KCNT2: variants seen among roughly 807,000 people sequenced by gnomAD.
KCNT2 encodes potassium channel subfamily T member 2.
A neutral mutation model predicts 153.8 loss-of-function variants in KCNT2; 67 were observed. That is an observed-to-expected ratio of 0.44 (90% CI 0.36 to 0.53). KCNT2 has a LOEUF of 0.53. Ranked by LOEUF, KCNT2 falls within the 20% of genes least tolerant of loss-of-function variation. The pLI is 0.00. For synonymous variants in KCNT2, 500 were observed against 458.8 expected, an observed-to-expected ratio of 1.09 and a Z score of -1.15; for missense variants, 975 against 1,354.8, an observed-to-expected ratio of 0.72 and a Z score of 4.40.
intron 25 of KCNT2, among the ~76,000 whole-genome samples, chr1:196,270,422 T>G (rs189563100): frequency 3.9e-5 from 6 of 152,226 alleles, no homozygotes; most frequent in African/African-American, 1.2e-4. Flanking sequence ...ACACAAAAAA[T>G]TAAGTATGTA....
rs190261494 is a variant in KCNT2 at position 196,333,698 on chromosome 1, G to A, written c.1997+149C>T. 6.0e-4 allele frequency: 366 copies of A among 606,336 alleles called. No individual in the cohort carries two copies. In the Middle Eastern group the frequency reaches 6.2e-3, roughly 10 times the overall value. The allele number at this position is 606,336 out of a possible 1,614,324, so 37.6% of individuals were successfully genotyped here. A position where few individuals can be genotyped will look rare whatever the true frequency, so the allele number is the denominator to read the frequency against. ...AAGAGATACTGGCTACTAGCAGTGCGTTTTGGTAGAAGTATATAGGAATGA... is the reference window on the plus strand; with the variant it reads ...AAGAGATACTGGCTACTAGCAGTGCATTTTGGTAGAAGTATATAGGAATGA... On this transcript the variant is annotated intron_variant, in intron 17 of 27. Coordinates refer to ENST00000294725, the MANE Select transcript of KCNT2 (RefSeq NM_198503.5).
rs1294259884 is a variant in KCNT2, at chr1:196,351,605, C to T, written c.1404-9377G>A. 2.6e-5 allele frequency among the ~76,000 whole-genome samples: 4 copies of T among 152,044 alleles called. No homozygotes were observed. In the East Asian group the frequency reaches 7.7e-4, roughly 29 times the overall value. Reference sequence around the variant, plus strand: ...CTTATCAGCTTAAGGAGATTTTGGGCTGAGACAATGGGGTTTTCTAGATAT... The same window carrying T: ...CTTATCAGCTTAAGGAGATTTTGGGTTGAGACAATGGGGTTTTCTAGATAT... On this transcript the variant is annotated intron_variant, in intron 14 of 27. Transcript: ENST00000294725.
At chr1:196,593,813 G>A (rs772313943) in intron 1 of KCNT2, among the ~76,000 whole-genome samples, 15 of 151,908 alleles carry the variant, frequency 9.9e-5, no homozygotes, top group Admixed American at 1.3e-4. Context: ...CCTTCTATTC[G>A]AATACTTAGA....
At chr1:196,430,555 T>C (rs116110830) in intron 8 of KCNT2, among the ~76,000 whole-genome samples, 1,735 of 152,120 alleles carry the variant, frequency 0.011, 13 homozygotes, top group Non-Finnish European at 0.018. Context: ...CCAAACGCAA[T>C]ATAAGCCGAT....
chr1:196,315,855 A>G (rs377049769), intron 21 of KCNT2, 37 bp downstream of exon 21: 31 of 1,566,746 alleles, frequency 2.0e-5, no homozygotes, highest in Non-Finnish European at 2.6e-5. Flanking sequence ...TGTTTAGCAC[A>G]AAGTAAGTGG....
In KCNT2 at chr1:196,277,421, G is replaced by C. The variant is rs374325865; in HGVS notation, c.2910+3439C>G. 9.9e-5 allele frequency among the ~76,000 whole-genome samples: 15 copies of C among 152,202 alleles called. 1 individual carries two copies. In the South Asian group the frequency reaches 2.9e-3, roughly 29 times the overall value. On this transcript the variant is annotated intron_variant, in intron 25 of 27. Transcript: ENST00000294725. ...CTTTCAATCTGCTGAAGTGTAAAGC[G>C]TACAGAATGTATCTTTTAACTTAGC...
chr1:196,280,053 G>A (rs1338738414), intron 25 of KCNT2, among the ~76,000 whole-genome samples: 3 of 151,726 alleles, frequency 2.0e-5, no homozygotes, highest in African/African-American at 7.3e-5. Flanking sequence ...TAATAACTTT[G>A]AAGTGTCTGA....
chr1:196,510,311 A>C (rs879650298), intron 1 of KCNT2, among the ~76,000 whole-genome samples: 1 of 152,162 alleles, frequency 6.6e-6, no homozygotes, highest in African/African-American at 2.4e-5. Context: ...GCACATAGCC[A>C]TAATCCCCAC....
intron 13 of KCNT2, among the ~76,000 whole-genome samples, chr1:196,390,009 G>A (rs944163242): frequency 1.3e-5 from 2 of 151,334 alleles, no homozygotes; most frequent in Non-Finnish European, 3.0e-5. Flanking sequence ...GTTTCATTTT[G>A]TACATGTGTG....
chr1:196,457,248 A>T (rs1180056539), intron 8 of KCNT2, among the ~76,000 whole-genome samples: 1 of 151,770 alleles, frequency 6.6e-6, no homozygotes, highest in Non-Finnish European at 1.5e-5. Flanking sequence ...AAAATTAAAT[A>T]ATAATAATAA....
chr1:196,281,213 C>A (rs1216722719), intron 24 of KCNT2, among the ~76,000 whole-genome samples: 2 of 152,136 alleles, frequency 1.3e-5, no homozygotes, highest in African/African-American at 2.4e-5. Flanking sequence ...ATTTGGAAAT[C>A]TCCAAGTAAT....
intron 14 of KCNT2, among the ~76,000 whole-genome samples, chr1:196,358,400 T>C (rs1381825155): frequency 6.6e-6 from 1 of 151,824 alleles, no homozygotes; most frequent in Non-Finnish European, 1.5e-5. Flanking sequence ...TTTTATCCCC[T>C]TAATACTGAA....
At chr1:196,370,740 C>A (rs1283883622) in intron 14 of KCNT2, among the ~76,000 whole-genome samples, 2 of 152,002 alleles carry the variant, frequency 1.3e-5, no homozygotes, top group African/African-American at 2.4e-5. Flanking sequence ...CTATGTTACA[C>A]AAAAACCTTT....
intron 8 of KCNT2, among the ~76,000 whole-genome samples, chr1:196,447,797 G>C (rs1245932279): frequency 7.3e-6 from 1 of 137,832 alleles, no homozygotes; most frequent in Non-Finnish European, 1.7e-5. Context: ...AATTAACAAC[G>C]TTTTTTTGGA....
chr1:196,324,973 T>A (rs534827264), intron 19 of KCNT2, among the ~76,000 whole-genome samples: 88 of 152,172 alleles, frequency 5.8e-4, no homozygotes, highest in Admixed American at 2.6e-3. Flanking sequence ...AAAATCTACA[T>A]AAAACATACA....
At chr1:196,582,433 C>T (rs1330132147) in intron 1 of KCNT2, 3 of 154,252 alleles carry the variant, frequency 1.9e-5, no homozygotes, top group East Asian at 3.9e-4. Flanking sequence ...AATTTGAGCA[C>T]CTTTGGTATT....
chr1:196,292,972 T>C (rs1660338526), intron 22 of KCNT2, among the ~76,000 whole-genome samples: 1 of 151,870 alleles, frequency 6.6e-6, no homozygotes, highest in African/African-American at 2.4e-5. Context: ...CAGTGTTTCT[T>C]TACCCTAAAA....
chr1:196,285,894 GATAATCAT>G (rs1403114489), intron 22 of KCNT2, 136 bp from the exon 23 acceptor site: 13 of 598,888 alleles, frequency 2.2e-5, no homozygotes, highest in Non-Finnish European at 4.0e-5. Flanking sequence ...TTACTTCACT[GATAATCAT>G]ATTTTTTAAA....
intron 25 of KCNT2, among the ~76,000 whole-genome samples, chr1:196,279,273 A>T (rs1211103543): frequency 6.6e-6 from 1 of 152,056 alleles, no homozygotes; most frequent in Non-Finnish European, 1.5e-5. Flanking sequence ...AACATCTTAC[A>T]TATTTAACTG....
Sources: gnomAD v4.1 joint callset for allele counts (sites outside exome capture counted in the v4.1 genomes callset) on GRCh38, gnomAD v4.1.1 for gene constraint, MANE v1.5 for transcripts, NCBI Gene and HGNC (gene_info 2026-07-23, HGNC 2026-07-21) for gene names.